PCDHA2: variants seen among roughly 807,000 people sequenced by gnomAD.
The protein encoded by PCDHA2 is protocadherin alpha-2.
Under a neutral mutation model 66.0 loss-of-function variants are expected in PCDHA2, and 58 were observed. The observed-to-expected ratio is 0.88, with a 90% CI of 0.71 to 1.09. The LOEUF (loss-of-function observed/expected upper bound fraction) is 1.09, where lower values mean the gene tolerates loss of function less well. Among genes scored for constraint, PCDHA2 ranks in the 50% least tolerant of loss-of-function variants. The pLI is 0.00. For synonymous variants in PCDHA2, 634 were observed against 554.0 expected (o/e 1.14, Z -2.03); for missense variants, 1,267 against 1,242.3 (o/e 1.02, Z -0.30).
chr5:140,966,351 T>C (rs2095993357), intron 1 of PCDHA2: 1 of 397,668 alleles, frequency 2.5e-6, no homozygotes, highest in South Asian at 1.4e-4. Flanking sequence ...GTGAAGGAGA[T>C]GGGGCTGGAG....
intron 1 of PCDHA2, chr5:140,821,619 T>G: frequency 5.8e-6 from 5 of 868,556 alleles, no homozygotes; most frequent in Non-Finnish European, 8.6e-6. Flanking sequence ...GAGTAGATTT[T>G]CCTTAGACAG....
At chr5:140,954,119 C>T (rs547590061) in intron 1 of PCDHA2, among the ~76,000 whole-genome samples, 2 of 152,156 alleles carry the variant, frequency 1.3e-5, no homozygotes, top group African/African-American at 4.8e-5. Flanking sequence ...AGATCTTGTT[C>T]CTTTTTATGG....
In PCDHA2 at chr5:141,010,449, C is replaced by G. The variant is rs764975082; in HGVS notation, c.*512C>G. 1.1e-6 allele frequency: 1 copy of G among 915,348 alleles called. No homozygotes were observed. Among genetic ancestry groups the G allele is most frequent in the East Asian group, 2.7e-5 (1 of 36,418 alleles). 56.7% of individuals were successfully genotyped at this position (915,348 alleles called of 1,614,324 possible). ...CAAGAAAACAAAGACAAATAAACAGCGGAAGTTATCAGTATGGAGGGGAAG... is the reference window on the plus strand; with the variant it reads ...CAAGAAAACAAAGACAAATAAACAGGGGAAGTTATCAGTATGGAGGGGAAG... On this transcript the variant is annotated 3_prime_UTR_variant, in exon 4 of 4. Transcript: ENST00000526136.
rs1554158025 is a variant in PCDHA2, at chr5:140,863,249, T to G, written c.2388+65897T>G. On this transcript the variant is annotated intron_variant, in intron 1 of 3. Transcript: ENST00000526136. ...GTCCCATCGCGGGCTTTGGCGGGCGTCGAGGTCCGGGAGGCAGCGCTGGTG... is the reference window on the plus strand; with the variant it reads ...GTCCCATCGCGGGCTTTGGCGGGCGGCGAGGTCCGGGAGGCAGCGCTGGTG... The G allele has an allele frequency of 2.8e-6, 4 of 1,406,824 alleles. No homozygotes were observed. In the Admixed American group the frequency reaches 7.2e-5, roughly 25 times the overall value. The allele number at this position is 1,406,824 out of a possible 1,614,324, so 87.1% of individuals were successfully genotyped here.
intron 1 of PCDHA2, among the ~76,000 whole-genome samples, chr5:140,894,069 T>C (rs1209752630): frequency 2.6e-5 from 4 of 152,196 alleles, no homozygotes; most frequent in African/African-American, 9.6e-5. Flanking sequence ...TTTAAATACA[T>C]TTATTTTATT....
intron 1 of PCDHA2, among the ~76,000 whole-genome samples, chr5:140,961,915 G>A (rs1393178053): frequency 2.0e-5 from 3 of 147,010 alleles, no homozygotes; most frequent in East Asian, 4.0e-4. Context: ...ATGGAGTCTC[G>A]CTCTGTTGCC....
chr5:140,895,665 A>G (rs782373926), intron 1 of PCDHA2, among the ~76,000 whole-genome samples: 1 of 152,114 alleles, frequency 6.6e-6, no homozygotes, highest in Non-Finnish European at 1.5e-5. Flanking sequence ...AAGTGAGAAC[A>G]TGTAGTATTT....
At chr5:140,905,292 G>T (rs1394409672) in intron 1 of PCDHA2, among the ~76,000 whole-genome samples, 1 of 152,114 alleles carries the variant, frequency 6.6e-6, no homozygotes, top group African/African-American at 2.4e-5. Flanking sequence ...CTTGAATAAG[G>T]TGTCCTTTCC....
chr5:140,801,961 C>T (rs782400821), intron 1 of PCDHA2: 2 of 1,614,210 alleles, frequency 1.2e-6, no homozygotes, highest in South Asian at 2.2e-5. Context: ...CTCGAAAATG[C>T]ACCAAATGGT....
chr5:140,996,283 C>T (rs2097719869), intron 3 of PCDHA2, among the ~76,000 whole-genome samples: 1 of 152,172 alleles, frequency 6.6e-6, no homozygotes, highest in African/African-American at 2.4e-5. Context: ...TGCCAAATTT[C>T]AAGAAGCACA....
chr5:140,826,566 G>T (rs1423403318), intron 1 of PCDHA2, among the ~76,000 whole-genome samples: 4 of 152,130 alleles, frequency 2.6e-5, no homozygotes, highest in African/African-American at 9.7e-5. Flanking sequence ...TGAAGGAGGG[G>T]TTTAATCACT....
intron 1 of PCDHA2, chr5:140,882,775 C>T (rs1554175564): frequency 2.5e-6 from 4 of 1,614,220 alleles, no homozygotes; most frequent in East Asian, 4.5e-5. Flanking sequence ...CGGCATTGAC[C>T]TACCGACTGG....
intron 3 of PCDHA2, among the ~76,000 whole-genome samples, chr5:141,003,690 T>C (rs1441506131): frequency 2.0e-5 from 3 of 152,232 alleles, no homozygotes; most frequent in African/African-American, 7.2e-5. Flanking sequence ...TTTTAAAATA[T>C]ATCCCTACCA....
At chr5:140,811,519 T>C (rs530756303) in intron 1 of PCDHA2, 1 of 152,310 alleles carries the variant, frequency 6.6e-6, no homozygotes, top group East Asian at 1.9e-4. Flanking sequence ...TTTAGATATA[T>C]ACCCAGTAAT....
chr5:140,871,692 C>T, intron 1 of PCDHA2: 1 of 997,192 alleles, frequency 1.0e-6, no homozygotes, highest in Non-Finnish European at 1.4e-6. Flanking sequence ...AATCTGGCTT[C>T]TTTAACCAAT....
chr5:140,868,933 T>C, intron 1 of PCDHA2: 1 of 1,104,696 alleles, frequency 9.1e-7, no homozygotes, highest in Non-Finnish European at 1.3e-6. Flanking sequence ...ATTTAAAGGT[T>C]GGTCTGAACA....
intron 1 of PCDHA2, among the ~76,000 whole-genome samples, chr5:140,963,141 A>T (rs2095739692): frequency 6.6e-6 from 1 of 152,148 alleles, no homozygotes; most frequent in Non-Finnish European, 1.5e-5. Flanking sequence ...AATTATTTGG[A>T]TGAATTTAAA....
At chr5:140,979,054 A>G (rs782082075) in intron 2 of PCDHA2, 47 bp downstream of exon 2, 6 of 1,607,592 alleles carry the variant, frequency 3.7e-6, no homozygotes, top group Non-Finnish European at 4.3e-6. Flanking sequence ...TTAACTTGGT[A>G]TGGCTCAGAT....
Position 140,828,817 on chromosome 5 carries a change from C to G in PCDHA2, c.2388+31465C>G. On this transcript the variant is annotated intron_variant, in intron 1 of 3. Coordinates refer to ENST00000526136, the MANE Select transcript of PCDHA2 (RefSeq NM_018905.3). ...ATGTGAATGATAATGCTCCCACTTT[C>G]GAACAGTCTGAATACGAAGTAAGAA... 3 of 1,614,148 alleles carry G rather than the reference C, an allele frequency of 1.9e-6. No individual in the cohort carries two copies. The African/African-American group carries it at 4.0e-5, about 22-fold the overall frequency.
Sources: allele counts gnomAD v4.1 joint callset (sites outside exome capture counted in the v4.1 genomes callset), GRCh38; gene constraint gnomAD v4.1.1; transcripts MANE v1.5; gene names NCBI Gene and HGNC (gene_info 2026-07-23, HGNC 2026-07-21).